The following MGST1 variants were observed in gnomAD, a reference collection of about 807,000 sequenced individuals.
The protein encoded by MGST1 is microsomal glutathione S-transferase 1.
Under a neutral mutation model 8.9 loss-of-function variants are expected in MGST1, and 5 were observed. The ratio of observed to expected loss-of-function variants is 0.56; its 90% confidence interval spans 0.29 to 1.19. The LOEUF (loss-of-function observed/expected upper bound fraction) is 1.19. MGST1 is among the 50% of genes most tolerant of loss of function. The pLI is 0.08. For synonymous variants in MGST1, 54 were observed against 67.8 expected (o/e 0.80, Z 1.00); for missense variants, 182 against 187.4 (o/e 0.97, Z 0.17).
chr12:16,419,334 T>C (rs1940813691), intron 1 of MGST1, among the ~76,000 whole-genome samples: 1 of 152,206 alleles, frequency 6.6e-6, no homozygotes, highest in South Asian at 2.1e-4. Context: ...TATTCTCTTG[T>C]CTGGCTCTAA....
At chr12:16,366,732 T>C (rs1940199102), downstream of MGST1, among the ~76,000 whole-genome samples, 1 of 151,886 alleles carries the variant, frequency 6.6e-6, no homozygotes. The surrounding 1 kb of genome is among the most constrained non-coding windows in gnomAD (Gnocchi z 4.0). Flanking sequence ...GATAACATTG[T>C]TACTTTTTCA....
rs1940656392 is a variant in MGST1 at position 16,401,648 on chromosome 12, A to C, written n.778+18044A>C. 1 of 1,599,456 alleles carries C rather than the reference A, an allele frequency of 6.3e-7. No individual in the cohort carries two copies. Among genetic ancestry groups the C allele is most frequent in the African/African-American group, 1.3e-5 (1 of 74,618 alleles). ...ACATGTGATTCTTGTCACTCACCAC[A>C]CTGAACTTGAGATTATAGTTGCCAC... On this transcript the variant is annotated intron_variant and non_coding_transcript_variant, in intron 1 of 1. Transcript: ENST00000359720. This position sits in a 1 kb window ranked among gnomAD's most constrained non-coding sequence, Gnocchi z 4.3.
At chr12:16,464,260 G>A (rs190757793) in intron 4 of MGST1, among the ~76,000 whole-genome samples, 32 of 152,166 alleles carry the variant, frequency 2.1e-4, no homozygotes, top group African/African-American at 6.0e-4. Context: ...TTACATTTCC[G>A]CCCATTTTCA....
chr12:16,398,417 C>G (rs1170561604), intron 1 of MGST1, among the ~76,000 whole-genome samples: 1 of 152,210 alleles, frequency 6.6e-6, no homozygotes, highest in African/African-American at 2.4e-5. Flanking sequence ...CTCCCTTCCT[C>G]TTCTCTTTAC....
At chr12:16,421,528 C>G (rs187403016) in intron 1 of MGST1, among the ~76,000 whole-genome samples, 4 of 152,156 alleles carry the variant, frequency 2.6e-5, no homozygotes, top group Non-Finnish European at 5.9e-5. Flanking sequence ...GACTGCAGAT[C>G]TAGGATCTAC....
intron 4 of MGST1, among the ~76,000 whole-genome samples, chr12:16,518,131 C>G (rs1301308915): frequency 6.6e-6 from 1 of 152,176 alleles, no homozygotes; most frequent in Non-Finnish European, 1.5e-5. Flanking sequence ...CACATTTGCC[C>G]TCAGAGTAAA....
intron 4 of MGST1, among the ~76,000 whole-genome samples, chr12:16,504,100 C>T (rs953580323): frequency 6.6e-6 from 1 of 152,172 alleles, no homozygotes; most frequent in Admixed American, 6.5e-5. Context: ...TCAGTCTAAG[C>T]ACTGCTGCTG....
chr12:16,566,144 G>A (rs1339857749), intron 4 of MGST1, among the ~76,000 whole-genome samples: 1 of 149,670 alleles, frequency 6.7e-6, no homozygotes, highest in African/African-American at 2.5e-5. Context: ...GCCAGGCATA[G>A]ATGGAAAAAT....
intron 4 of MGST1, among the ~76,000 whole-genome samples, chr12:16,467,051 C>T (rs1251847792): frequency 6.6e-6 from 1 of 152,008 alleles, no homozygotes; most frequent in Non-Finnish European, 1.5e-5. Flanking sequence ...AGACAGTGTT[C>T]TTTTATTTAA....
chr12:16,400,536 A>G (rs753576984), intron 1 of MGST1: 13 of 857,742 alleles, frequency 1.5e-5, no homozygotes, highest in Non-Finnish European at 2.0e-5. Context: ...AAGTTTTATA[A>G]CGTTTCTGTA....
chr12:16,506,262 T>A (rs182401399), intron 4 of MGST1, among the ~76,000 whole-genome samples: 29 of 152,206 alleles, frequency 1.9e-4, no homozygotes, highest in Non-Finnish European at 3.5e-4. Context: ...ATGAAGGGGA[T>A]CAGGAGAGAG....
At chr12:16,511,677 A>G (rs1443625168) in intron 4 of MGST1, among the ~76,000 whole-genome samples, 1 of 152,188 alleles carries the variant, frequency 6.6e-6, no homozygotes, top group Non-Finnish European at 1.5e-5. Context: ...TGCAAAGAAT[A>G]TTAGATCAGG....
At chr12:16,428,609 T>C (rs1940913597) in intron 1 of MGST1, among the ~76,000 whole-genome samples, 1 of 152,012 alleles carries the variant, frequency 6.6e-6, no homozygotes, top group African/African-American at 2.4e-5. Context: ...GTTTTAAATA[T>C]ATATTTTACT....
intron 1 of MGST1, among the ~76,000 whole-genome samples, chr12:16,423,565 C>G (rs1018318542): frequency 6.6e-6 from 1 of 151,990 alleles, no homozygotes; most frequent in Non-Finnish European, 1.5e-5. Context: ...AAAAAAAATC[C>G]TTGTTGTCCA....
rs9332910 is a variant in MGST1, at chr12:16,356,507, C to T, written c.127-1098C>T. Among the ~76,000 whole-genome samples, 1,077 of 152,122 alleles carry T rather than the reference C, an allele frequency of 7.1e-3. 18 individuals carry two copies. The highest frequency in any genetic ancestry group is 0.024 in the African/African-American group (1,016 of 41,476). On this transcript the variant is annotated intron_variant, in intron 2 of 3. Coordinates refer to ENST00000396210, the MANE Select transcript of MGST1 (RefSeq NM_020300.5). ...CATCGGTTCTCTTCAACATCTTTAT[C>T]TCTAATATAATGTTCATATCATATT... is the stretch of plus-strand genomic sequence containing the variant.
intron 2 of MGST1, among the ~76,000 whole-genome samples, chr12:16,355,064 C>T (rs192564427): frequency 2.2e-4 from 33 of 152,084 alleles, no homozygotes; most frequent in African/African-American, 7.9e-4. Context: ...AATATTTTCA[C>T]GGGGGTAGTC....
At chr12:16,365,374 T>A (rs1288348211), downstream of MGST1, among the ~76,000 whole-genome samples, 3 of 152,212 alleles carry the variant, frequency 2.0e-5, no homozygotes, top group Admixed American at 1.3e-4. Flanking sequence ...TAGTTTTTGA[T>A]TTTCATATCT....
intron 1 of MGST1, chr12:16,400,942 A>G (rs1940649827): frequency 1.5e-6 from 2 of 1,329,686 alleles, no homozygotes; most frequent in East Asian, 4.6e-5. Flanking sequence ...CCTTTTGTTC[A>G]GTCAGTCACC....
chr12:16,525,166 TTAAG>T (rs1320993909), intron 4 of MGST1, among the ~76,000 whole-genome samples: 1 of 152,030 alleles, frequency 6.6e-6, no homozygotes, highest in Non-Finnish European at 1.5e-5. Flanking sequence ...TTATTATACT[TTAAG>T]TTTTAGGGTA....
Sources: allele counts gnomAD v4.1 joint callset (sites outside exome capture counted in the v4.1 genomes callset), GRCh38; gene constraint gnomAD v4.1.1; non-coding constraint Gnocchi (gnomAD v3.1); transcripts MANE v1.5; gene names NCBI Gene and HGNC (gene_info 2026-07-23, HGNC 2026-07-21).